Variants in ALKBH5 observed in about 807,000 individuals in gnomAD.
ALKBH5 encodes the protein RNA demethylase ALKBH5.
A neutral mutation model predicts 32.1 loss-of-function variants in ALKBH5; 2 were observed. The observed-to-expected ratio is 0.06, with a 90% CI of 0.03 to 0.20. ALKBH5 has a LOEUF of 0.20. ALKBH5 is among the 10% of genes least tolerant of loss of function. ALKBH5 has a pLI of 1.00. For missense variants in ALKBH5, 352 were observed against 559.5 expected, an observed-to-expected ratio of 0.63 and a Z score of 3.74; for synonymous variants, 300 against 231.7, an observed-to-expected ratio of 1.29 and a Z score of -2.68.
intron 1 of ALKBH5, among the ~76,000 whole-genome samples, chr17:18,189,301 G>A (rs913415312): frequency 6.6e-6 from 1 of 152,034 alleles, no homozygotes; most frequent in Non-Finnish European, 1.5e-5. Flanking sequence ...AGAATGGCAC[G>A]AACCCGGGAG....
rs1392429546 is a variant in ALKBH5 at position 18,184,558 on chromosome 17, C to T, written c.315C>T (p.Ala105=). 1.5e-5 allele frequency: 25 copies of T among 1,613,324 alleles called. No homozygotes were observed. The highest frequency in any genetic ancestry group is 4.5e-5 in the East Asian group (2 of 44,882). ...FSQDECAKIE[A]RIDEVVSRAE... ...AGGACGAGTGCGCCAAGATCGAGGCCCGCATTGACGAGGTGGTGTCCCGCG... is the reference window on the plus strand; with the variant it reads ...AGGACGAGTGCGCCAAGATCGAGGCTCGCATTGACGAGGTGGTGTCCCGCG... Residue 105 remains alanine, a synonymous_variant, in exon 1 of 4, where the codon GCC becomes GCT. Transcript: ENST00000399138.
At chr17:18,201,818 T>TA (rs148649488) in intron 2 of ALKBH5, among the ~76,000 whole-genome samples, 45 of 80,264 alleles carry the variant, frequency 5.6e-4, no homozygotes, top group Non-Finnish European at 7.4e-4. Context: ...GATAGATAGA[T>TA]AGATAGATAG....
Position 18,184,401 on chromosome 17 carries a change from T to C in ALKBH5, c.158T>C (p.Val53Ala), listed in dbSNP as rs748081999. Reference sequence around the variant, plus strand: ...GCCGCTGCCGCCGAACCTTACCCTGTGTCCGGGGCCAAGCGCAAGTATCAG... The same window carrying C: ...GCCGCTGCCGCCGAACCTTACCCTGCGTCCGGGGCCAAGCGCAAGTATCAG... The part of the protein sequence containing the change: ...AAAAAAEPYP[V>A]SGAKRKYQED... The change falls in exon 1 of 4, where the codon GTG becomes GCG. Residue 53 changes from valine to alanine, a missense_variant. Val to Ala is a moderately conservative substitution (Grantham distance 64). Around this residue, in one of 4 missense-constraint regions of ALKBH5, gnomAD observed 144 missense variants for 125.8 expected, o/e 1.14. Coordinates refer to ENST00000399138, the MANE Select transcript of ALKBH5 (RefSeq NM_017758.4). 6.4e-7 allele frequency: 1 copy of C among 1,564,874 alleles called. No homozygotes were observed. Among genetic ancestry groups the C allele is most frequent in the South Asian group, 1.2e-5 (1 of 86,692 alleles).
intron 2 of ALKBH5, among the ~76,000 whole-genome samples, chr17:18,203,398 C>T (rs1298940594): frequency 1.3e-5 from 2 of 152,234 alleles, no homozygotes; most frequent in South Asian, 2.1e-4. Flanking sequence ...TCGGTTCACA[C>T]TTTAGTGCTA....
intron 1 of ALKBH5, among the ~76,000 whole-genome samples, chr17:18,193,670 T>A (rs1270245323): frequency 6.6e-6 from 1 of 152,252 alleles, no homozygotes; most frequent in Non-Finnish European, 1.5e-5. Flanking sequence ...TTATCTCTTG[T>A]TGGCTCTTGC....
rs1804437935 is a variant in ALKBH5, at chr17:18,183,912, G to T, written c.-332G>T. On this transcript the variant is annotated 5_prime_UTR_variant, in exon 1 of 4. Transcript: ENST00000399138. ...CGGAGAGCTTTAAAGTGCGGGCCGG[G>T]CCGGGCGTCCGAGGGTCTGGTCGGG... 2 of 518,430 alleles carry T rather than the reference G, an allele frequency of 3.9e-6. No individual in the cohort carries two copies. The highest frequency in any genetic ancestry group is 1.6e-5 in the South Asian group (1 of 61,538). 32.1% of individuals were successfully genotyped at this position (518,430 alleles called of 1,614,324 possible).
In ALKBH5 at chr17:18,184,423, T is replaced by C. The variant is rs377071193; in HGVS notation, c.180T>C (p.Tyr60=). The C allele has an allele frequency of 2.5e-6, 4 of 1,589,162 alleles. No homozygotes were observed. Among genetic ancestry groups the C allele is most frequent in the Non-Finnish European group, 3.4e-6 (4 of 1,168,526 alleles). The change falls in exon 1 of 4, where the codon TAT becomes TAC. Residue 60 remains tyrosine (Y), a synonymous_variant. Transcript: ENST00000399138. ...PYPVSGAKRK[Y]QEDSDPERSD... The stretch of plus-strand genomic sequence containing the variant: ...CTGTGTCCGGGGCCAAGCGCAAGTA[T>C]CAGGAGGACTCGGACCCCGAGCGCA...
In ALKBH5 at chr17:18,209,950, T is replaced by C. The variant is rs2142495141; in HGVS notation, c.*1554T>C. The C allele has an allele frequency of 6.5e-6, 1 of 152,810 alleles. No individual in the cohort carries two copies. Among genetic ancestry groups the C allele is most frequent in the East Asian group, 1.9e-4 (1 of 5,194 alleles). 9.5% of individuals were successfully genotyped at this position (152,810 alleles called of 1,614,324 possible). ...AATAAAAACCAAATCTAATATATTT[T>C]GAAACAGTTGTCTGATGTTGTTGTA... On this transcript the variant is annotated 3_prime_UTR_variant, in exon 4 of 4. Transcript: ENST00000399138.
In ALKBH5 at chr17:18,184,501, G is replaced by T; in HGVS notation, c.258G>T (p.Lys86Asn). 6.2e-7 allele frequency: 1 copy of T among 1,613,062 alleles called. No individual in the cohort carries two copies. Among genetic ancestry groups the T allele is most frequent in the African/African-American group, 1.3e-5 (1 of 75,072 alleles). Reference protein sequence around the residue: ...LQKEEEARKVKSGIRQMRLFS... With the variant: ...LQKEEEARKVNSGIRQMRLFS... ...AGGAGGAGGAGGCGCGCAAGGTGAA[G>T]AGCGGCATCCGCCAGATGCGCCTCT... The change falls in exon 1 of 4, where the codon AAG becomes AAT. Residue 86 changes from lysine to asparagine, a missense_variant. By Grantham distance (94) the Lys-to-Asn change is moderately conservative. Around this residue, in one of 4 missense-constraint regions of ALKBH5, gnomAD observed 144 missense variants for 125.8 expected, o/e 1.14. Transcript: ENST00000399138.
chr17:18,187,108 C>T (rs948114671), intron 1 of ALKBH5, among the ~76,000 whole-genome samples: 2 of 151,978 alleles, frequency 1.3e-5, no homozygotes, highest in African/African-American at 4.8e-5. Flanking sequence ...CCCATGGAGG[C>T]CTCAGACAGG....
At chr17:18,189,023 A>G (rs1215066860) in intron 1 of ALKBH5, among the ~76,000 whole-genome samples, 1 of 149,906 alleles carries the variant, frequency 6.7e-6, no homozygotes, top group Non-Finnish European at 1.5e-5. Context: ...GCCGAGATCG[A>G]GCCCTTGCGC....
intron 2 of ALKBH5, among the ~76,000 whole-genome samples, chr17:18,205,058 A>G (rs1265363666): frequency 6.6e-6 from 1 of 152,150 alleles, no homozygotes; most frequent in Non-Finnish European, 1.5e-5. Flanking sequence ...TCTCTTTAAA[A>G]AAAAAAGAAT....
chr17:18,208,482 T>TG lies in ALKBH5; in HGVS notation c.*92dup, dbSNP rs1317467792. On this transcript the variant is annotated 3_prime_UTR_variant, in exon 4 of 4. Coordinates refer to ENST00000399138, the MANE Select transcript of ALKBH5 (RefSeq NM_017758.4). Reference sequence around the variant, plus strand: ...TTTTGAGGGTTTTGTTTTTGTTCATTGGGGGGTTTTTGTTTTTTGTTTTTT... The same window carrying TG: ...TTTTGAGGGTTTTGTTTTTGTTCATTGGGGGGGTTTTTGTTTTTTGTTTTTT... 2 of 1,473,006 alleles carry TG rather than the reference T, an allele frequency of 1.4e-6. No homozygotes were observed. The highest frequency in any genetic ancestry group is 3.0e-5 in the African/African-American group (2 of 67,216). 91.2% of individuals were successfully genotyped at this position (1,473,006 alleles called of 1,614,324 possible). A position where few individuals can be genotyped will look rare whatever the true frequency, so the allele number is the denominator to read the frequency against.
At chr17:18,190,938 G>C (rs1225065112) in intron 1 of ALKBH5, among the ~76,000 whole-genome samples, 2 of 152,174 alleles carry the variant, frequency 1.3e-5, no homozygotes, top group Non-Finnish European at 2.9e-5. Context: ...ACATATACTG[G>C]TCAGTGCCTC....
Position 18,184,222 on chromosome 17 carries a change from C to G in ALKBH5, c.-22C>G. The G allele has an allele frequency of 1.3e-6, 2 of 1,498,752 alleles. No homozygotes were observed. The highest frequency in any genetic ancestry group is 8.8e-7 in the Non-Finnish European group (1 of 1,131,750). The allele number at this position is 1,498,752 out of a possible 1,614,324, so 92.8% of individuals were successfully genotyped here. Reference sequence around the variant, plus strand: ...GCTGCCCCGCCCGCCCCGGAGGACCCTAGAGCAGCGTCGTGGGGGCCATGG... The same window carrying G: ...GCTGCCCCGCCCGCCCCGGAGGACCGTAGAGCAGCGTCGTGGGGGCCATGG... On this transcript the variant is annotated 5_prime_UTR_variant, in exon 1 of 4. Transcript: ENST00000399138.
intron 1 of ALKBH5, among the ~76,000 whole-genome samples, chr17:18,188,395 G>C (rs1185316904): frequency 1.3e-5 from 2 of 152,262 alleles, no homozygotes; most frequent in Non-Finnish European, 2.9e-5. Flanking sequence ...GCACTGGTGA[G>C]CTCAGCCTGT....
At chr17:18,191,959 A>T (rs1341396045) in intron 1 of ALKBH5, among the ~76,000 whole-genome samples, 4 of 151,976 alleles carry the variant, frequency 2.6e-5, no homozygotes, top group Non-Finnish European at 5.9e-5. Context: ...TAAAAAAAAA[A>T]AAAAGTGCCT....
chr17:18,186,291 T>C (rs2047138923), intron 1 of ALKBH5, among the ~76,000 whole-genome samples: 2 of 152,186 alleles, frequency 1.3e-5, no homozygotes, highest in South Asian at 4.1e-4. Context: ...TCTGAGCTTC[T>C]CAGATCTTCA....
intron 1 of ALKBH5, among the ~76,000 whole-genome samples, chr17:18,187,890 T>C (rs1365905117): frequency 6.6e-6 from 1 of 152,194 alleles, no homozygotes; most frequent in Non-Finnish European, 1.5e-5. Flanking sequence ...TTGGTGTTGG[T>C]GGCAATGGTA....
Sources: allele counts gnomAD v4.1 joint callset (sites outside exome capture counted in the v4.1 genomes callset), GRCh38; gene constraint gnomAD v4.1.1; regional missense constraint gnomAD v4.1.1; transcripts MANE v1.5; gene names NCBI Gene and HGNC (gene_info 2026-07-23, HGNC 2026-07-21).